The following KRABD5 variants were observed in gnomAD, a reference collection of about 807,000 sequenced individuals.
The protein encoded by KRABD5 is KRAB domain-containing protein 5.
chr16:31,724,426 G>A, the KRABD5 span, among the ~76,000 whole-genome samples: 36 of 152,122 alleles, frequency 2.4e-4, no homozygotes, highest in African/African-American at 7.7e-4. Flanking sequence ...GGTGGCTCAC[G>A]CCTGTAATCC....
chr16:31,758,366 A>G, the KRABD5 span: 1 of 152,222 alleles, frequency 6.6e-6, no homozygotes, highest in Non-Finnish European at 1.5e-5. Flanking sequence ...TAAAATACAG[A>G]TCAATGTAGT....
At chr16:31,713,275 T>TTC in the KRABD5 span, 2 of 986,356 alleles carry the variant, frequency 2.0e-6, no homozygotes, top group Non-Finnish European at 3.0e-6. Flanking sequence ...TTGGCTGCAG[T>TTC]AAGAGCTCAG....
the KRABD5 span, among the ~76,000 whole-genome samples, chr16:31,722,023 A>G: frequency 1.3e-5 from 2 of 152,148 alleles, no homozygotes; most frequent in African/African-American, 4.8e-5. Flanking sequence ...GTAAATATAG[A>G]CTAAAAAATG....
At chr16:31,732,148 C>G in the KRABD5 span, among the ~76,000 whole-genome samples, 2 of 152,182 alleles carry the variant, frequency 1.3e-5, no homozygotes, top group African/African-American at 4.8e-5. Flanking sequence ...GATCAATAAG[C>G]CTACCCTTCG....
the KRABD5 span, chr16:31,755,681 A>G: frequency 4.4e-6 from 2 of 454,226 alleles, no homozygotes; most frequent in African/African-American, 2.0e-5. Flanking sequence ...CTCAACCCTT[A>G]CTCGACATAA....
At chr16:31,727,792 T>A in the KRABD5 span, among the ~76,000 whole-genome samples, 2 of 152,238 alleles carry the variant, frequency 1.3e-5, no homozygotes, top group Admixed American at 6.5e-5. Flanking sequence ...ATATAATTGT[T>A]CATAGTAGTC....
chr16:31,735,056 C>T, the KRABD5 span, among the ~76,000 whole-genome samples: 2 of 151,754 alleles, frequency 1.3e-5, no homozygotes, highest in African/African-American at 2.4e-5. Flanking sequence ...GCCCGCCTGC[C>T]TGCCCTTTCT....
the KRABD5 span, among the ~76,000 whole-genome samples, chr16:31,751,364 G>T: frequency 6.6e-6 from 1 of 152,148 alleles, no homozygotes; most frequent in African/African-American, 2.4e-5. Flanking sequence ...ACTGATACCA[G>T]CTCTTCCTTG....
the KRABD5 span, chr16:31,759,513 G>A: frequency 1.6e-6 from 2 of 1,218,884 alleles, no homozygotes; most frequent in East Asian, 2.6e-5. Flanking sequence ...GTACAGTTAA[G>A]GTTTATGCCT....
the KRABD5 span, among the ~76,000 whole-genome samples, chr16:31,729,102 T>C: frequency 6.6e-6 from 1 of 152,226 alleles, no homozygotes; most frequent in Non-Finnish European, 1.5e-5. Context: ...TACCCCTGCC[T>C]GCACTCTTTT....
the KRABD5 span, chr16:31,722,640 C>T: frequency 6.2e-7 from 1 of 1,613,142 alleles, no homozygotes; most frequent in Non-Finnish European, 8.5e-7. Flanking sequence ...TGTTGACATT[C>T]AGGGATGTGG....
the KRABD5 span, chr16:31,753,656 A>T: frequency 9.3e-7 from 1 of 1,070,870 alleles, no homozygotes; most frequent in South Asian, 2.4e-5. Flanking sequence ...CAAGTTTTTG[A>T]TTCAACTATC....
chr16:31,752,457 G>T, the KRABD5 span, among the ~76,000 whole-genome samples: 3 of 152,110 alleles, frequency 2.0e-5, no homozygotes. Flanking sequence ...GTGCTCCGAA[G>T]TTTGGTGCAT....
chr16:31,734,222 GTCTC>G, the KRABD5 span, among the ~76,000 whole-genome samples: 1 of 151,074 alleles, frequency 6.6e-6, no homozygotes, highest in Non-Finnish European at 1.5e-5. Context: ...ACATTCAAAA[GTCTC>G]TCTTCTAACT....
chr16:31,757,532 G>C, the KRABD5 span: 1 of 152,150 alleles, frequency 6.6e-6, no homozygotes, highest in African/African-American at 2.4e-5. Context: ...GGGATAAAAG[G>C]TCTGCATCTA....
chr16:31,726,050 A>G, the KRABD5 span, among the ~76,000 whole-genome samples: 6 of 152,360 alleles, frequency 3.9e-5, no homozygotes, highest in African/African-American at 1.4e-4. Context: ...CTAAAAAATT[A>G]GTACCAAGGC....
chr16:31,714,275 T>C, the KRABD5 span: 1 of 434,210 alleles, frequency 2.3e-6, no homozygotes, highest in South Asian at 1.6e-5. Flanking sequence ...TGGCCTTACC[T>C]GTTGAAGTAT....
chr16:31,742,697 A>C, the KRABD5 span, among the ~76,000 whole-genome samples: 4 of 152,216 alleles, frequency 2.6e-5, no homozygotes, highest in African/African-American at 4.8e-5. Flanking sequence ...TTGCTGGGTC[A>C]AATAGTGTTT....
At chr16:31,757,920 A>AGGAT in the KRABD5 span, 45 of 152,052 alleles carry the variant, frequency 3.0e-4, no homozygotes, top group South Asian at 1.9e-3. Context: ...GATATCTGGA[A>AGGAT]GGATGGATGG....
Sources: allele counts gnomAD v4.1 joint callset (sites outside exome capture counted in the v4.1 genomes callset), GRCh38; gene constraint gnomAD v4.1.1; transcripts MANE v1.5; gene names NCBI Gene and HGNC (gene_info 2026-07-23, HGNC 2026-07-21).